ANKRD22: variants seen among roughly 807,000 people sequenced by gnomAD.
The protein encoded by ANKRD22 is ankyrin repeat domain-containing protein 22.
ANKRD22 carries 24 observed loss-of-function variants against 25.7 expected under a neutral mutation model. The observed-to-expected ratio is 0.93, with a 90% CI of 0.68 to 1.31. The LOEUF (loss-of-function observed/expected upper bound fraction) is 1.31. Among genes scored for constraint, ANKRD22 ranks in the 50% most tolerant of loss-of-function variants. ANKRD22 has a pLI of 0.00. For synonymous variants in ANKRD22, 84 were observed against 84.3 expected (o/e 1.00, Z 0.02); for missense variants, 214 against 227.1 (o/e 0.94, Z 0.37).
Position 88,822,670 on chromosome 10 carries a change from A to T in ANKRD22, c.*271T>A, listed in dbSNP as rs1843811774. The T allele has an allele frequency of 3.0e-6, 1 of 330,508 alleles. No individual in the cohort carries two copies. Among genetic ancestry groups the T allele is most frequent in the African/African-American group, 2.2e-5 (1 of 44,946 alleles). The allele number at this position is 330,508 out of a possible 1,614,324, so 20.5% of individuals were successfully genotyped here. On this transcript the variant is annotated 3_prime_UTR_variant, in exon 6 of 6. Transcript: ENST00000371930. ...GTAGCTGGGATTACAGGCATGTACC[A>T]CTGTGCCTAGCTGAAACATCAGTTT...
At chr10:88,826,221 A>C in intron 3 of ANKRD22, 106 bp from the exon 4 acceptor site, 1 of 848,742 alleles carries the variant, frequency 1.2e-6, no homozygotes, top group African/African-American at 1.7e-5. Flanking sequence ...CAACACTCCT[A>C]TGCATGCATG....
chr10:88,833,988 C>T (rs1843930021), intron 1 of ANKRD22, among the ~76,000 whole-genome samples: 1 of 152,208 alleles, frequency 6.6e-6, no homozygotes, highest in African/African-American at 2.4e-5. Flanking sequence ...TGTCCTCAGT[C>T]ATTAAATGAA....
At chr10:88,835,344 C>T (rs1843943735) in intron 1 of ANKRD22, among the ~76,000 whole-genome samples, 1 of 152,134 alleles carries the variant, frequency 6.6e-6, no homozygotes, top group South Asian at 2.1e-4. Context: ...TCTTCCTTCT[C>T]GGCTGAGATG....
At position 88,851,785 on chromosome 10, in the gene ANKRD22, GC is replaced by G. The variant is rs972802315; in HGVS notation, c.-179del. The G allele has an allele frequency of 3.1e-6, 2 of 642,554 alleles. No homozygotes were observed. Among genetic ancestry groups the G allele is most frequent in the African/African-American group, 3.6e-5 (2 of 55,100 alleles). The allele number at this position is 642,554 out of a possible 1,614,324, so 39.8% of individuals were successfully genotyped here. ...TGTCAGTGCTTTTCCAGCAGCTCAG[GC>G]AGCAGCACACCTTCCAGAGAGCCCA... On this transcript the variant is annotated 5_prime_UTR_variant, in exon 1 of 6. An upstream open reading frame in the 5' UTR loses its in-frame stop. Transcript: ENST00000371930.
At chr10:88,835,601 T>C (rs1007642386) in intron 1 of ANKRD22, among the ~76,000 whole-genome samples, 12 of 152,186 alleles carry the variant, frequency 7.9e-5, no homozygotes, top group Admixed American at 2.0e-4. Context: ...TAGGTGAACA[T>C]ATAAAAATAT....
In ANKRD22 at chr10:88,828,703, A is replaced by G. The variant is rs1843878257; in HGVS notation, c.214-37T>C. 3 of 1,453,654 alleles carry G rather than the reference A, an allele frequency of 2.1e-6. No homozygotes were observed. The African/African-American group carries it at 4.3e-5, about 21-fold the overall frequency. 90.0% of individuals were successfully genotyped at this position (1,453,654 alleles called of 1,614,324 possible). A position where few individuals can be genotyped will look rare whatever the true frequency, so the allele number is the denominator to read the frequency against. Reference sequence around the variant, plus strand: ...GAAAAGGATTCTTTACTAATAAAGCATTTCAATTCAAAATTTATTCAGATG... The same window carrying G: ...GAAAAGGATTCTTTACTAATAAAGCGTTTCAATTCAAAATTTATTCAGATG... On this transcript the variant is annotated intron_variant, in intron 2 of 5. Coordinates refer to ENST00000371930, the MANE Select transcript of ANKRD22 (RefSeq NM_144590.3).
rs556519009 is a variant in ANKRD22, at chr10:88,849,126, T to C, written c.21+2461A>G. On this transcript the variant is annotated intron_variant, in intron 1 of 5. Coordinates refer to ENST00000371930, the MANE Select transcript of ANKRD22 (RefSeq NM_144590.3). ...AGATATGATTTTCAAGAAACGCTTT[T>C]TGGGGCCTGTGTCTGCAACTGAAGA... is the stretch of plus-strand genomic sequence containing the variant. 3.3e-5 allele frequency among the ~76,000 whole-genome samples: 5 copies of C among 152,240 alleles called. No individual in the cohort carries two copies. The South Asian group carries it at 8.3e-4, about 25-fold the overall frequency.
intron 1 of ANKRD22, 145 bp downstream of exon 1, chr10:88,851,442 G>C (rs1024884740): frequency 5.3e-6 from 4 of 757,018 alleles, no homozygotes; most frequent in Non-Finnish European, 8.9e-6. Flanking sequence ...ATAACACATA[G>C]GACTTTATTT....
intron 2 of ANKRD22, among the ~76,000 whole-genome samples, chr10:88,828,877 T>C (rs1240674446): frequency 6.6e-6 from 1 of 152,102 alleles, no homozygotes; most frequent in Non-Finnish European, 1.5e-5. Flanking sequence ...AGGGAAGGGC[T>C]CCTGGGAGTC....
At chr10:88,849,006 A>ATGTGTG (rs113459404) in intron 1 of ANKRD22, among the ~76,000 whole-genome samples, 163 of 149,234 alleles carry the variant, frequency 1.1e-3, no homozygotes, top group Middle Eastern at 3.4e-3. Context: ...GTGCATGTGC[A>ATGTGTG]TGTGTGTGTG....
At chr10:88,843,463 T>C (rs944590441) in intron 1 of ANKRD22, among the ~76,000 whole-genome samples, 4 of 152,194 alleles carry the variant, frequency 2.6e-5, no homozygotes, top group Non-Finnish European at 4.4e-5. Flanking sequence ...AAATGCTTGC[T>C]TGATTCTGAA....
chr10:88,824,835 CTT>C (rs1331329366), intron 4 of ANKRD22, among the ~76,000 whole-genome samples: 1 of 152,166 alleles, frequency 6.6e-6, no homozygotes, highest in Non-Finnish European at 1.5e-5. Context: ...CTTCAACAAA[CTT>C]TTAACTTCAT....
Position 88,822,764 on chromosome 10 carries a change from A to C in ANKRD22, c.*177T>G. ...AAGGATTACGGCCATGGTGAACTTG[A>C]CTGAGTAAACAATGCTATAAATAAA... On this transcript the variant is annotated 3_prime_UTR_variant, in exon 6 of 6. Coordinates refer to ENST00000371930, the MANE Select transcript of ANKRD22 (RefSeq NM_144590.3). 1.6e-6 allele frequency: 1 copy of C among 612,078 alleles called. No individual in the cohort carries two copies. The highest frequency in any genetic ancestry group is 1.9e-5 in the South Asian group (1 of 52,144). 37.9% of individuals were successfully genotyped at this position (612,078 alleles called of 1,614,324 possible). A position where few individuals can be genotyped will look rare whatever the true frequency, so the allele number is the denominator to read the frequency against.
intron 3 of ANKRD22, 38 bp from the exon 4 acceptor site, chr10:88,826,153 A>T: frequency 6.5e-7 from 1 of 1,527,366 alleles, no homozygotes; most frequent in Non-Finnish European, 9.0e-7. Flanking sequence ...GCTTATTTAC[A>T]AATAGTTTCT....
intron 1 of ANKRD22, among the ~76,000 whole-genome samples, chr10:88,842,594 A>C (rs762867397): frequency 6.6e-6 from 1 of 152,134 alleles, no homozygotes; most frequent in Non-Finnish European, 1.5e-5. Context: ...AACCCAGTAG[A>C]TACTCACAAG....
intron 1 of ANKRD22, among the ~76,000 whole-genome samples, chr10:88,836,832 G>A (rs893086227): frequency 1.3e-5 from 2 of 152,032 alleles, no homozygotes; most frequent in Non-Finnish European, 1.5e-5. Flanking sequence ...ACAGAAAAAC[G>A]TTAAGACTCA....
chr10:88,831,943 T>C lies in ANKRD22; in HGVS notation c.105A>G (p.Gln35=), dbSNP rs1172378487. The C allele has an allele frequency of 1.9e-6, 3 of 1,614,028 alleles. No individual in the cohort carries two copies. Among genetic ancestry groups the C allele is most frequent in the Non-Finnish European group, 8.5e-7 (1 of 1,179,914 alleles). Residue 35 remains glutamine (Q), a synonymous_variant, in exon 2 of 6, where the codon CAA becomes CAG. Coordinates refer to ENST00000371930, the MANE Select transcript of ANKRD22 (RefSeq NM_144590.3). ...GGGGCGTGTCTCCATTAAAGCCATC[T>C]TGAACGTTGGCATAGCTGCTGTCTT... ...VKEDSSYANV[Q]DGFNGDTPLI... is the part of the protein sequence containing the mutation.
intron 2 of ANKRD22, among the ~76,000 whole-genome samples, chr10:88,830,559 G>T (rs990156561): frequency 3.3e-5 from 5 of 152,184 alleles, no homozygotes; most frequent in Non-Finnish European, 7.3e-5. Context: ...AATATTAAAT[G>T]CTAACATTAG....
chr10:88,841,331 G>A (rs1005538637), intron 1 of ANKRD22, among the ~76,000 whole-genome samples: 1 of 152,062 alleles, frequency 6.6e-6, no homozygotes, highest in African/African-American at 2.4e-5. Flanking sequence ...AGGCAGTAGG[G>A]TGCCCATAAC....
Sources: gnomAD v4.1 joint callset for allele counts (sites outside exome capture counted in the v4.1 genomes callset) on GRCh38, gnomAD v4.1.1 for gene constraint, MANE v1.5 for transcripts, NCBI Gene and HGNC (gene_info 2026-07-23, HGNC 2026-07-21) for gene names.